Variants in SH3GL3 observed in about 807,000 individuals in gnomAD.
SH3GL3 encodes SH3 domain containing GRB2 like 3, endophilin A3.
In SH3GL3, 33 loss-of-function variants were observed where a neutral mutation model predicts 47.7. The ratio of observed to expected loss-of-function variants is 0.69; its 90% CI spans 0.52 to 0.92. The LOEUF (loss-of-function observed/expected upper bound fraction) is 0.92, where lower values mean the gene tolerates loss of function less well. SH3GL3 is among the 40% of genes least tolerant of loss of function. SH3GL3 has a pLI of 0.00. For missense variants in SH3GL3, 363 were observed against 417.8 expected (o/e 0.87, Z 1.14); for synonymous variants, 155 against 148.8 (o/e 1.04, Z -0.30).
intron 1 of SH3GL3, among the ~76,000 whole-genome samples, chr15:83,520,615 G>A (rs1334951425): frequency 6.6e-6 from 1 of 152,186 alleles, no homozygotes; most frequent in African/African-American, 2.4e-5. Context: ...AGATGACAGA[G>A]CTCCATGGGC....
intron 1 of SH3GL3, among the ~76,000 whole-genome samples, chr15:83,470,205 A>G (rs2040767882): frequency 1.3e-5 from 2 of 151,808 alleles, no homozygotes; most frequent in East Asian, 1.9e-4. Context: ...ACCTGCCTAT[A>G]TTGCTATATT....
chr15:83,470,969 A>G (rs1596042120), intron 1 of SH3GL3, among the ~76,000 whole-genome samples: 2 of 152,228 alleles, frequency 1.3e-5, no homozygotes, highest in Admixed American at 1.3e-4. Flanking sequence ...TATTTCTTCT[A>G]TATACATTTA....
At chr15:83,559,972 C>G (rs2045179845) in intron 2 of SH3GL3, among the ~76,000 whole-genome samples, 1 of 152,178 alleles carries the variant, frequency 6.6e-6, no homozygotes, top group South Asian at 2.1e-4. Context: ...AAAATGGTAT[C>G]ATCTCTGTCC....
chr15:83,512,510 T>C (rs1447612068), intron 1 of SH3GL3, among the ~76,000 whole-genome samples: 2 of 152,186 alleles, frequency 1.3e-5, no homozygotes, highest in Non-Finnish European at 2.9e-5. Flanking sequence ...TCTTTGCTCC[T>C]GGTGTCAGAA....
intron 1 of SH3GL3, among the ~76,000 whole-genome samples, chr15:83,472,922 A>C (rs951480657): frequency 1.3e-5 from 2 of 152,122 alleles, no homozygotes; most frequent in Non-Finnish European, 2.9e-5. Flanking sequence ...GACTTCACTG[A>C]CACTCAAGGT....
the SH3GL3 span, among the ~76,000 whole-genome samples, chr15:83,626,663 C>T: frequency 1.3e-5 from 2 of 152,126 alleles, no homozygotes; most frequent in African/African-American, 4.8e-5. Flanking sequence ...GAAACTTTGA[C>T]AATGAAGTAG....
intron 1 of SH3GL3, among the ~76,000 whole-genome samples, chr15:83,508,974 A>T (rs751948910): frequency 2.6e-5 from 4 of 152,214 alleles, no homozygotes; most frequent in Non-Finnish European, 5.9e-5. Context: ...GACTGATTAG[A>T]GGCGATTGTA....
chr15:83,494,549 T>C (rs778067817), intron 1 of SH3GL3, among the ~76,000 whole-genome samples: 211 of 91,196 alleles, frequency 2.3e-3, no homozygotes, highest in Middle Eastern at 0.011. Flanking sequence ...TTAGTCCCCC[T>C]TTTTTTTTTT....
intron 8 of SH3GL3, among the ~76,000 whole-genome samples, chr15:83,602,821 T>A (rs1025113215): frequency 6.6e-6 from 1 of 152,136 alleles, no homozygotes; most frequent in Non-Finnish European, 1.5e-5. Context: ...TGTCTTTTAT[T>A]CTGTGGGCTC....
intron 1 of SH3GL3, among the ~76,000 whole-genome samples, chr15:83,542,994 T>A (rs755045120): frequency 6.6e-6 from 1 of 151,788 alleles, no homozygotes; most frequent in African/African-American, 2.4e-5. Flanking sequence ...TTCTTTATCA[T>A]CTGATTACTC....
chr15:83,595,008 C>A (rs2060203583), intron 8 of SH3GL3, among the ~76,000 whole-genome samples: 1 of 152,156 alleles, frequency 6.6e-6, no homozygotes, highest in Non-Finnish European at 1.5e-5. Context: ...CGCATATATA[C>A]CCAAAGGAAT....
At chr15:83,618,015 T>C in intron 8 of SH3GL3, 67 bp from the exon 9 acceptor site, 1 of 1,107,688 alleles carries the variant, frequency 9.0e-7, no homozygotes, top group Admixed American at 1.7e-5. Flanking sequence ...CTTTTCCACA[T>C]TTCCAATTTC....
intron 1 of SH3GL3, among the ~76,000 whole-genome samples, chr15:83,523,401 C>T (rs998226000): frequency 2.6e-5 from 4 of 152,180 alleles, no homozygotes; most frequent in Middle Eastern, 3.4e-3. Flanking sequence ...GTGGGCTGCC[C>T]GGGAAGGGTG....
At chr15:83,506,625 G>A (rs971561354) in intron 1 of SH3GL3, among the ~76,000 whole-genome samples, 9 of 152,144 alleles carry the variant, frequency 5.9e-5, no homozygotes, top group African/African-American at 1.9e-4. Flanking sequence ...ATTTGTCTGT[G>A]ACTTGTTAGA....
At chr15:83,525,501 G>C (rs1460489393) in intron 1 of SH3GL3, among the ~76,000 whole-genome samples, 4 of 151,934 alleles carry the variant, frequency 2.6e-5, no homozygotes, top group Non-Finnish European at 5.9e-5. Context: ...TGTTTCCTTT[G>C]ATGTGCAAAA....
chr15:83,537,769 G>A (rs1052140597), intron 1 of SH3GL3, among the ~76,000 whole-genome samples: 1 of 152,024 alleles, frequency 6.6e-6, no homozygotes, highest in Non-Finnish European at 1.5e-5. Flanking sequence ...TTTATCCTCA[G>A]CTCTCTAATC....
At chr15:83,555,099 T>G (rs1308032845) in intron 1 of SH3GL3, among the ~76,000 whole-genome samples, 1 of 152,190 alleles carries the variant, frequency 6.6e-6, no homozygotes, top group East Asian at 1.9e-4. Context: ...TTAAGTTCCT[T>G]AATATTTTCC....
intron 1 of SH3GL3, among the ~76,000 whole-genome samples, chr15:83,484,720 A>G (rs1289351942): frequency 6.6e-6 from 1 of 152,172 alleles, no homozygotes; most frequent in East Asian, 1.9e-4. Context: ...CCTGTTATGA[A>G]TTATGCATGC....
chr15:83,508,481 G>C (rs1259858499), intron 1 of SH3GL3, among the ~76,000 whole-genome samples: 1 of 152,040 alleles, frequency 6.6e-6, no homozygotes, highest in Non-Finnish European at 1.5e-5. Context: ...ATAGAGTAGG[G>C]GACAGATGTT....
Sources: allele counts gnomAD v4.1 joint callset (sites outside exome capture counted in the v4.1 genomes callset), GRCh38; gene constraint gnomAD v4.1.1; transcripts MANE v1.5; gene names NCBI Gene and HGNC (gene_info 2026-07-23, HGNC 2026-07-21).